Variants in TRERF1 observed in about 807,000 individuals in gnomAD.
The protein encoded by TRERF1 is transcriptional-regulating factor 1.
In TRERF1, 27 loss-of-function variants were observed where a neutral mutation model predicts 122.9. The observed-to-expected ratio is 0.22, with a 90% CI of 0.16 to 0.30. TRERF1 has a LOEUF of 0.30. TRERF1 is among the 10% of genes least tolerant of loss of function. TRERF1 has a pLI of 1.00. For missense variants in TRERF1, 1,248 were observed against 1,560.3 expected, an observed-to-expected ratio of 0.80 and a Z score of 3.37; for synonymous variants, 636 against 641.7, an observed-to-expected ratio of 0.99 and a Z score of 0.13.
chr6:42,338,228 A>G (rs1307093772), intron 3 of TRERF1, among the ~76,000 whole-genome samples: 1 of 152,204 alleles, frequency 6.6e-6, no homozygotes, highest in Non-Finnish European at 1.5e-5. Flanking sequence ...GCTGGGCACC[A>G]TGGGGAAAGG....
intron 2 of TRERF1, among the ~76,000 whole-genome samples, chr6:42,444,570 C>T (rs553301293): frequency 2.0e-5 from 3 of 152,140 alleles, no homozygotes; most frequent in African/African-American, 7.2e-5. Flanking sequence ...TAGCATCTGC[C>T]CCCTTATCAG....
At position 42,433,094 on chromosome 6, in the gene TRERF1, C is replaced by T. The variant is rs6926683; in HGVS notation, c.-454+18083G>A. Among the ~76,000 whole-genome samples the T allele has an allele frequency of 1.1e-3, 173 of 152,122 alleles. 1 individual carries two copies. Among genetic ancestry groups the T allele is most frequent in the African/African-American group, 3.6e-3 (151 of 41,496 alleles). Reference sequence around the variant, plus strand: ...AGTTGGGACTTGAGGGACCAGGCTCCTAGAGGAAAGGGAGGTGCAGTGAGG... The same window carrying T: ...AGTTGGGACTTGAGGGACCAGGCTCTTAGAGGAAAGGGAGGTGCAGTGAGG... On this transcript the variant is annotated intron_variant, in intron 2 of 17. Transcript: ENST00000372922.
intron 4 of TRERF1, among the ~76,000 whole-genome samples, chr6:42,296,249 C>G (rs1450180580): frequency 2.0e-5 from 3 of 152,204 alleles, no homozygotes; most frequent in African/African-American, 4.8e-5. Flanking sequence ...TATCTTCCCT[C>G]AGATTATTTT....
intron 4 of TRERF1, among the ~76,000 whole-genome samples, chr6:42,290,865 G>A (rs1784214836): frequency 6.6e-6 from 1 of 150,784 alleles, no homozygotes; most frequent in Non-Finnish European, 1.5e-5. Context: ...TGACCACATG[G>A]TGTGTTTGCT....
At chr6:42,301,007 A>C (rs77444634) in intron 3 of TRERF1, among the ~76,000 whole-genome samples, 5 of 151,864 alleles carry the variant, frequency 3.3e-5, no homozygotes, top group African/African-American at 1.2e-4. Flanking sequence ...AAACAGAGAG[A>C]GAGAGAGAGA....
exon 11 of TRERF1, chr6:42,257,094 T>C: frequency 6.2e-7 from 1 of 1,614,198 alleles, no homozygotes; most frequent in Non-Finnish European, 8.5e-7. Flanking sequence ...CAAGCCAATG[T>C]TGATGCGTCT....
intron 3 of TRERF1, among the ~76,000 whole-genome samples, chr6:42,307,966 CA>C (rs1356082317): frequency 6.6e-6 from 1 of 152,236 alleles, no homozygotes; most frequent in African/African-American, 2.4e-5. Flanking sequence ...CACAAAATCA[CA>C]AGTGTTGACC....
At chr6:42,326,677 A>T (rs1764346133) in intron 3 of TRERF1, among the ~76,000 whole-genome samples, 1 of 152,188 alleles carries the variant, frequency 6.6e-6, no homozygotes, top group Non-Finnish European at 1.5e-5. Context: ...TTTCTCCACC[A>T]TGCACCAATG....
intron 3 of TRERF1, among the ~76,000 whole-genome samples, chr6:42,324,418 G>A (rs1418136539): frequency 6.6e-6 from 1 of 152,094 alleles, no homozygotes; most frequent in East Asian, 1.9e-4. Context: ...AAATTCATAT[G>A]GAACCAAAAT....
At chr6:42,357,281 A>G (rs1250919252) in intron 3 of TRERF1, among the ~76,000 whole-genome samples, 1 of 148,064 alleles carries the variant, frequency 6.8e-6, no homozygotes, top group Non-Finnish European at 1.5e-5. Flanking sequence ...GTGAGCCAAG[A>G]CTGCACCACT....
At chr6:42,443,568 T>G (rs557048515) in intron 2 of TRERF1, among the ~76,000 whole-genome samples, 4 of 152,322 alleles carry the variant, frequency 2.6e-5, no homozygotes, top group African/African-American at 9.6e-5. Context: ...AAGGTTCTCC[T>G]GCACCCAGTT....
In TRERF1 at chr6:42,423,212, C is replaced by T. The variant is rs188644120; in HGVS notation, c.-454+27965G>A. On this transcript the variant is annotated intron_variant, in intron 2 of 17. Transcript: ENST00000372922. ...AGGAACTCATCTTGGTTTCTTCCAG[C>T]CCATCCGTAACTCTACTCGAAAAGC... Among the ~76,000 whole-genome samples, 39 of 152,314 alleles carry T rather than the reference C, an allele frequency of 2.6e-4. 1 individual carries two copies. Among genetic ancestry groups the T allele is most frequent in the Non-Finnish European group, 4.7e-4 (32 of 68,018 alleles).
chr6:42,405,446 T>C (rs1462080936), intron 2 of TRERF1, among the ~76,000 whole-genome samples: 1 of 152,086 alleles, frequency 6.6e-6, no homozygotes, highest in Non-Finnish European at 1.5e-5. Flanking sequence ...AATTAGATGA[T>C]GTACGTTCAA....
At chr6:42,425,363 C>T (rs1037386534) in intron 2 of TRERF1, among the ~76,000 whole-genome samples, 16 of 149,844 alleles carry the variant, frequency 1.1e-4, no homozygotes, top group African/African-American at 3.7e-4. Context: ...CCCCAACCAA[C>T]CCCCTACATT....
exon 6 of TRERF1, chr6:42,265,785 C>T (rs1339040830): frequency 6.2e-7 from 1 of 1,613,202 alleles, no homozygotes; most frequent in Non-Finnish European, 8.5e-7. Context: ...GCTCTCCCAT[C>T]AGGTAGGTGC....
intron 10 of TRERF1, among the ~76,000 whole-genome samples, chr6:42,257,438 A>G (rs1210506202): frequency 6.6e-6 from 1 of 152,202 alleles, no homozygotes; most frequent in East Asian, 1.9e-4. Flanking sequence ...AAAAAAGGGG[A>G]CAAATACAAA....
chr6:42,451,988 A>C (rs1582330933), intron 1 of TRERF1, 62 bp from the exon 1 acceptor site: 1 of 151,848 alleles, frequency 6.6e-6, no homozygotes, highest in South Asian at 2.1e-4. Context: ...GTCGCAGCCC[A>C]CTCGGGGCCG....
At chr6:42,360,788 A>C (rs952505918) in intron 3 of TRERF1, among the ~76,000 whole-genome samples, 45 of 146,386 alleles carry the variant, frequency 3.1e-4, no homozygotes, top group African/African-American at 1.0e-3. Context: ...AAAAAAAAAA[A>C]AAAAAAAAAA....
intron 3 of TRERF1, among the ~76,000 whole-genome samples, chr6:42,325,963 T>C (rs1185437714): frequency 1.3e-5 from 2 of 152,136 alleles, no homozygotes; most frequent in Non-Finnish European, 2.9e-5. Flanking sequence ...ATGTTCTCAC[T>C]TATGAGTGGG....
Sources: allele counts gnomAD v4.1 joint callset (sites outside exome capture counted in the v4.1 genomes callset), GRCh38; gene constraint gnomAD v4.1.1; transcripts MANE v1.5; gene names NCBI Gene and HGNC (gene_info 2026-07-23, HGNC 2026-07-21).